Variants in ZBED6 observed in about 807,000 individuals in gnomAD.
The protein encoded by ZBED6 is zinc finger BED-type containing 6, also known as zinc finger BED domain-containing protein 6.
A neutral mutation model predicts 58.4 loss-of-function variants in ZBED6; 40 were observed. That is an observed-to-expected ratio of 0.68 (90% confidence interval 0.53 to 0.89). The LOEUF is 0.89. Ranked by LOEUF, ZBED6 falls within the 40% of genes least tolerant of loss-of-function variation. The pLI, the probability that ZBED6 is intolerant of heterozygous loss-of-function variation, is 0.00. For synonymous variants in ZBED6, 439 were observed against 350.6 expected (o/e 1.25, Z -2.82); for missense variants, 1,057 against 1,003.9 (o/e 1.05, Z -0.71).
exon 1 of ZBED6, chr1:203,798,057 A>G (rs1371287177): frequency 6.5e-7 from 1 of 1,535,768 alleles, no homozygotes; most frequent in Admixed American, 2.0e-5. Context: ...TCTGCAAGCA[A>G]GGCATTCACC....
chr1:203,834,505 C>T (rs1409281211), intron 9 of ZBED6, among the ~76,000 whole-genome samples: 2 of 152,136 alleles, frequency 1.3e-5, no homozygotes, highest in South Asian at 2.1e-4. Flanking sequence ...CTCCTGGGCT[C>T]AAGTGATCTG....
chr1:203,852,176 C>G (rs1173329535), exon 17 of ZBED6: 8 of 1,613,514 alleles, frequency 5.0e-6, no homozygotes, highest in African/African-American at 1.3e-5. Context: ...TCTTCAGATT[C>G]CTCACCCCCG....
intron 12 of ZBED6, 23 bp from the exon 13 acceptor site, chr1:203,848,308 T>G: frequency 6.3e-7 from 1 of 1,581,184 alleles, no homozygotes; most frequent in Non-Finnish European, 8.6e-7. Flanking sequence ...AAATAACTAA[T>G]GATGTCTTTA....
chr1:203,805,286 C>G (rs1319182633), intron 1 of ZBED6, among the ~76,000 whole-genome samples: 3 of 151,538 alleles, frequency 2.0e-5, no homozygotes, highest in Non-Finnish European at 1.5e-5. Context: ...CGCCCGCCAC[C>G]ACACCCGGCT....
exon 1 of ZBED6, chr1:203,800,034 T>C (rs1404691782): frequency 6.5e-7 from 1 of 1,536,098 alleles, no homozygotes; most frequent in East Asian, 2.4e-5. Flanking sequence ...AGAAGGCACC[T>C]CCAGTTCAGG....
At chr1:203,800,298 C>T (rs900024287) in exon 1 of ZBED6, 1 of 913,530 alleles carries the variant, frequency 1.1e-6, no homozygotes, top group South Asian at 1.4e-5. Context: ...TAGCCACTTT[C>T]ATCCAAAACA....
At chr1:203,799,899 C>A (rs937305245) in exon 1 of ZBED6, 1 of 1,536,046 alleles carries the variant, frequency 6.5e-7, no homozygotes, top group Non-Finnish European at 8.7e-7. Flanking sequence ...AACTTATAAG[C>A]AGTTCCTTGC....
At chr1:203,818,457 C>T in intron 2 of ZBED6, 113 bp from the exon 3 acceptor site, 1 of 1,386,524 alleles carries the variant, frequency 7.2e-7, no homozygotes, top group Non-Finnish European at 9.9e-7. Flanking sequence ...TTTACCTTAC[C>T]AGTCCTTTCT....
chr1:203,809,086 T>C (rs1673376054), intron 1 of ZBED6, among the ~76,000 whole-genome samples: 1 of 151,306 alleles, frequency 6.6e-6, no homozygotes, highest in African/African-American at 2.4e-5. Flanking sequence ...TGTCTCGGCC[T>C]CCCAAAGTGC....
chr1:203,806,072 G>T (rs1245635231), intron 1 of ZBED6: 2 of 509,614 alleles, frequency 3.9e-6, no homozygotes, highest in African/African-American at 2.0e-5. Flanking sequence ...TTTAAAACTC[G>T]CAAGGCTTTC....
intron 3 of ZBED6, among the ~76,000 whole-genome samples, chr1:203,825,262 C>T (rs1273162660): frequency 3.9e-5 from 6 of 152,040 alleles, no homozygotes; most frequent in Admixed American, 3.3e-4. Flanking sequence ...CTCTATTTCC[C>T]TTAGGAATAA....
intron 10 of ZBED6, 57 bp from the exon 11 acceptor site, chr1:203,840,249 T>TATAA: frequency 6.4e-7 from 1 of 1,560,080 alleles, no homozygotes; most frequent in Admixed American, 1.7e-5. Context: ...AACCTGTATT[T>TATAA]AAGCTGTAAA....
rs182289240 is a variant in ZBED6, at chr1:203,827,859, A to G, written c.*2874-440A>G. Among the ~76,000 whole-genome samples the G allele has an allele frequency of 2.3e-3, 354 of 152,274 alleles. 2 individuals are homozygous for G. Among genetic ancestry groups the G allele is most frequent in the Non-Finnish European group, 4.1e-3 (281 of 68,030 alleles). On this transcript the variant is annotated intron_variant, in intron 3 of 16. Coordinates refer to ENST00000550078, the Ensembl canonical transcript of ZBED6. ...TTGACCTATGTGCTTAGTGCTTTAT[A>G]TACATTATTTTATGTACTCTTCATA...
exon 1 of ZBED6, chr1:203,796,157 C>G: frequency 3.1e-6 from 1 of 318,578 alleles, no homozygotes; most frequent in East Asian, 4.8e-5. Flanking sequence ...ACTGTTCCCC[C>G]GAATCCCGAA....
At chr1:203,796,034 A>G (rs1016188283) in exon 1 of ZBED6, 3 of 21,446 alleles carry the variant, frequency 1.4e-4, no homozygotes, top group South Asian at 1.5e-3. Flanking sequence ...CCCCACCCCC[A>G]CCCCGTTCAC....
At chr1:203,811,056 G>A (rs1157112073) in intron 1 of ZBED6, among the ~76,000 whole-genome samples, 2 of 150,958 alleles carry the variant, frequency 1.3e-5, no homozygotes, top group East Asian at 1.9e-4. Context: ...CAAGAGAATC[G>A]CTTGAAACCA....
chr1:203,795,980 G>C (rs1351272127), exon 1 of ZBED6: 2 of 151,092 alleles, frequency 1.3e-5, no homozygotes, highest in East Asian at 3.9e-4. Flanking sequence ...GCCCTCGCCG[G>C]GGCTGGCTGG....
chr1:203,807,887 A>G (rs1004939709), intron 1 of ZBED6, among the ~76,000 whole-genome samples: 1 of 151,886 alleles, frequency 6.6e-6, no homozygotes, highest in East Asian at 1.9e-4. Context: ...GAGTAAAGAC[A>G]TGTGCCACCA....
At chr1:203,822,216 TTTA>T (rs1679018772) in intron 3 of ZBED6, among the ~76,000 whole-genome samples, 1 of 152,146 alleles carries the variant, frequency 6.6e-6, no homozygotes, top group Non-Finnish European at 1.5e-5. Context: ...TCATAATACT[TTTA>T]TTTATTTGAT....
Sources: gnomAD v4.1 joint callset for allele counts (sites outside exome capture counted in the v4.1 genomes callset) on GRCh38, gnomAD v4.1.1 for gene constraint, MANE v1.5 for transcripts, NCBI Gene and HGNC (gene_info 2026-07-23, HGNC 2026-07-21) for gene names.